Variants in CBFB observed in about 807,000 individuals in gnomAD.
CBFB encodes core-binding factor subunit beta.
Under a neutral mutation model 30.4 loss-of-function variants are expected in CBFB, and 9 were observed. The ratio of observed to expected loss-of-function variants is 0.30; its 90% CI spans 0.18 to 0.52. CBFB has a LOEUF of 0.52. Among genes scored for constraint, CBFB ranks in the 20% least tolerant of loss-of-function variants. The pLI is 0.97. For synonymous variants in CBFB, 94 were observed against 84.0 expected (o/e 1.12, Z -0.65); for missense variants, 170 against 244.0 (o/e 0.70, Z 2.02).
At position 67,088,452 on chromosome 16, in the gene CBFB, A is replaced by G. The variant is rs957621305; in HGVS notation, c.495+6144A>G. Among the ~76,000 whole-genome samples the G allele has an allele frequency of 5.3e-5, 8 of 152,212 alleles. No individual in the cohort carries two copies. In the South Asian group the frequency reaches 1.7e-3, roughly 32 times the overall value. On this transcript the variant is annotated intron_variant, in intron 5 of 5. Coordinates refer to ENST00000412916, the MANE Select transcript of CBFB (RefSeq NM_022845.3). Reference sequence around the variant, plus strand: ...AAATTAATTGACTTGCTCTCCCTCAAATATTTGGTTAATGGAAGAAACAGT... The same window carrying G: ...AAATTAATTGACTTGCTCTCCCTCAGATATTTGGTTAATGGAAGAAACAGT...
At position 67,063,423 on chromosome 16, in the gene CBFB, A is replaced by G. The variant is rs1018083520; in HGVS notation, c.283-3259A>G. The stretch of plus-strand genomic sequence containing the variant: ...AAGGGGAATGACACAAATATGTACC[A>G]GGAAAGCATAAATTTTTATTTATTT... On this transcript the variant is annotated intron_variant, in intron 3 of 5. Transcript: ENST00000412916. Among the ~76,000 whole-genome samples the G allele has an allele frequency of 3.9e-5, 6 of 152,268 alleles. No homozygotes were observed. The East Asian group carries it at 9.6e-4, about 24-fold the overall frequency.
chr16:67,070,905 AT>A (rs547132159), intron 4 of CBFB, among the ~76,000 whole-genome samples: 66 of 152,148 alleles, frequency 4.3e-4, no homozygotes, highest in Non-Finnish European at 8.7e-4. Flanking sequence ...ATAGGTTAAA[AT>A]TTTTAACATT....
At chr16:67,075,233 G>GTGTGTT (rs1491065597) in intron 4 of CBFB, among the ~76,000 whole-genome samples, 3 of 149,648 alleles carry the variant, frequency 2.0e-5, no homozygotes, top group Non-Finnish European at 4.4e-5. Flanking sequence ...GTGTGTGTGT[G>GTGTGTT]TAAAGAACTC....
chr16:67,029,330 C>A lies in CBFB; in HGVS notation c.-78C>A, dbSNP rs1168951970. The A allele has an allele frequency of 5.9e-6, 6 of 1,015,122 alleles. No individual in the cohort carries two copies. The highest frequency in any genetic ancestry group is 7.7e-6 in the Non-Finnish European group (6 of 776,218). 62.9% of individuals were successfully genotyped at this position (1,015,122 alleles called of 1,614,324 possible). ...CGGGCGCCGCGGGTGGGCGGTCAGT[C>A]GGTCAGCGCGGAGCCAGCCAGCGGG... On this transcript the variant is annotated 5_prime_UTR_variant, in exon 1 of 6. Coordinates refer to ENST00000412916, the MANE Select transcript of CBFB (RefSeq NM_022845.3).
At chr16:67,062,994 C>G (rs1315888056) in intron 3 of CBFB, among the ~76,000 whole-genome samples, 1 of 152,102 alleles carries the variant, frequency 6.6e-6, no homozygotes. Flanking sequence ...CCAGTGCATG[C>G]TACTCCGTCC....
intron 5 of CBFB, among the ~76,000 whole-genome samples, chr16:67,094,357 A>G (rs1322778481): frequency 6.6e-6 from 1 of 152,130 alleles, no homozygotes; most frequent in Non-Finnish European, 1.5e-5. Flanking sequence ...ACCCACAAAT[A>G]ATAGCAAGAC....
At chr16:67,058,824 A>G (rs1323943962) in intron 3 of CBFB, among the ~76,000 whole-genome samples, 3 of 152,228 alleles carry the variant, frequency 2.0e-5, no homozygotes, top group African/African-American at 4.8e-5. Flanking sequence ...TTAAGCTCTA[A>G]CAACTTATTA....
intron 4 of CBFB, 88 bp downstream of exon 4, chr16:67,066,886 G>C (rs1179665709): frequency 4.2e-6 from 3 of 708,226 alleles, no homozygotes; most frequent in South Asian, 3.1e-5. Flanking sequence ...CAATTTTTAA[G>C]AGTAAGTATA....
At chr16:67,085,761 T>C (rs889002305) in intron 5 of CBFB, among the ~76,000 whole-genome samples, 2 of 146,186 alleles carry the variant, frequency 1.4e-5, no homozygotes, top group East Asian at 4.1e-4. Flanking sequence ...CACTGCAAGC[T>C]CCGCCTCCCT....
chr16:67,074,899 A>C (rs565702741), intron 4 of CBFB, among the ~76,000 whole-genome samples: 1 of 152,298 alleles, frequency 6.6e-6, no homozygotes, highest in East Asian at 1.9e-4. Context: ...GGACTTACAT[A>C]AAATATGTAG....
chr16:67,038,322 GTA>G (rs1346351037), intron 3 of CBFB, among the ~76,000 whole-genome samples: 5 of 149,094 alleles, frequency 3.4e-5, no homozygotes, highest in South Asian at 2.1e-4. Context: ...GTATATATAC[GTA>G]TATGTGTGTG....
chr16:67,029,698 T>C (rs756781303), intron 1 of CBFB, 29 bp from the exon 2 acceptor site: 9 of 1,559,256 alleles, frequency 5.8e-6, no homozygotes, highest in East Asian at 2.4e-5. Flanking sequence ...CGGATTTGGC[T>C]CCTGATTTCG....
chr16:67,052,905 G>A (rs541334465), intron 3 of CBFB, among the ~76,000 whole-genome samples: 1 of 151,718 alleles, frequency 6.6e-6, no homozygotes, highest in Admixed American at 6.6e-5. Context: ...CAAGGTTGCA[G>A]TGAGCTGTGT....
intron 3 of CBFB, among the ~76,000 whole-genome samples, chr16:67,059,582 C>CG (rs1035872847): frequency 1.3e-5 from 2 of 152,208 alleles, no homozygotes; most frequent in Non-Finnish European, 2.9e-5. Context: ...TTTCTGAACT[C>CG]CATCTAATGC....
At chr16:67,044,136 T>C (rs73586882) in intron 3 of CBFB, among the ~76,000 whole-genome samples, 2 of 152,220 alleles carry the variant, frequency 1.3e-5, no homozygotes. Flanking sequence ...AAATTATTAG[T>C]CTTGAGTGGT....
intron 2 of CBFB, among the ~76,000 whole-genome samples, chr16:67,030,869 C>G (rs1966329985): frequency 6.6e-6 from 1 of 152,214 alleles, no homozygotes; most frequent in African/African-American, 2.4e-5. Context: ...GCTGGGATTA[C>G]AGGCGTGAGC....
At chr16:67,078,847 G>A (rs1005836427) in intron 4 of CBFB, among the ~76,000 whole-genome samples, 1 of 152,038 alleles carries the variant, frequency 6.6e-6, no homozygotes, top group African/African-American at 2.4e-5. Flanking sequence ...GTAGAGACGG[G>A]GTTTCACCAT....
chr16:67,040,302 T>C (rs1413807368), intron 3 of CBFB, among the ~76,000 whole-genome samples: 1 of 152,254 alleles, frequency 6.6e-6, no homozygotes, highest in Admixed American at 6.5e-5. Flanking sequence ...TTCTTCCATA[T>C]TCTCTCAACT....
chr16:67,031,720 C>A (rs1966353693), intron 2 of CBFB, among the ~76,000 whole-genome samples: 1 of 152,018 alleles, frequency 6.6e-6, no homozygotes, highest in African/African-American at 2.4e-5. Flanking sequence ...ACCATCTTGG[C>A]CAGGCTTGTT....
Sources: gnomAD v4.1 joint callset for allele counts (sites outside exome capture counted in the v4.1 genomes callset) on GRCh38, gnomAD v4.1.1 for gene constraint, MANE v1.5 for transcripts, NCBI Gene and HGNC (gene_info 2026-07-23, HGNC 2026-07-21) for gene names.